The following NCOR2 variants were observed in gnomAD, a reference collection of about 807,000 sequenced individuals.
The protein encoded by NCOR2 is nuclear receptor corepressor 2, also known as CTG repeat protein 26.
In NCOR2, 81 loss-of-function variants were observed where a neutral mutation model predicts 262.9. The ratio of observed to expected loss-of-function variants is 0.31; its 90% CI spans 0.26 to 0.37. The LOEUF is 0.37. Ranked by LOEUF, NCOR2 falls within the 10% of genes least tolerant of loss-of-function variation. NCOR2 has a pLI of 1.00. For missense variants in NCOR2, 3,385 were observed against 3,621.4 expected (o/e 0.93, Z 1.68); for synonymous variants, 1,659 against 1,559.3 (o/e 1.06, Z -1.51).
At chr12:124,480,904 G>A (rs552863095) in intron 3 of NCOR2, among the ~76,000 whole-genome samples, 19 of 150,190 alleles carry the variant, frequency 1.3e-4, no homozygotes, top group African/African-American at 4.4e-4. Context: ...GCCACTGGTG[G>A]GAGATGATGG....
intron 1 of NCOR2, among the ~76,000 whole-genome samples, chr12:124,532,360 CCT>C (rs2050847822): frequency 6.6e-6 from 1 of 152,208 alleles, no homozygotes; most frequent in Non-Finnish European, 1.5e-5. Context: ...CAGCGTCTGT[CCT>C]CTGTCAGGGG....
rs993458887 is a variant in NCOR2 at position 124,504,229 on chromosome 12, C to T, written c.-117-8861G>A. Among the ~76,000 whole-genome samples, 1 of 152,206 alleles carries T rather than the reference C, an allele frequency of 6.6e-6. No individual in the cohort carries two copies. The highest frequency in any genetic ancestry group is 1.5e-5 in the Non-Finnish European group (1 of 68,038). ...CGGGTAGATGTACAGGGTAGAGATACGTGGGCCAGGTTAAAGCCAGAAAGC... is the reference window on the plus strand; with the variant it reads ...CGGGTAGATGTACAGGGTAGAGATATGTGGGCCAGGTTAAAGCCAGAAAGC... On this transcript the variant is annotated intron_variant, in intron 1 of 46. Transcript: ENST00000404621. This position sits in a 1 kb window ranked among gnomAD's most constrained non-coding sequence, Gnocchi z 4.5.
chr12:124,460,185 G>A (rs1426136198), intron 5 of NCOR2, among the ~76,000 whole-genome samples: 2 of 152,232 alleles, frequency 1.3e-5, no homozygotes, highest in East Asian at 3.8e-4. Flanking sequence ...TCCATGAGGA[G>A]CAAGGTGCCT....
In NCOR2 at chr12:124,354,571, C is replaced by T. The variant is rs773974343; in HGVS notation, c.3496G>A (p.Gly1166Arg). Reference sequence around the variant, plus strand: ...GGGGACAGCTGCTCCTGCTTCACTCCGCTGAAGGGTGCTGAGGACCAGTAA... The same window carrying T: ...GGGGACAGCTGCTCCTGCTTCACTCTGCTGAAGGGTGCTGAGGACCAGTAA... The change falls in exon 26 of 47, where the codon GGA becomes AGA. Residue 1166 changes from glycine (G) to arginine (R), a missense_variant. Gly to Arg is a moderately radical substitution (Grantham distance 125). Transcript: ENST00000405201. 61 of 1,588,826 alleles carry T rather than the reference C, an allele frequency of 3.8e-5. No individual in the cohort carries two copies. In the East Asian group the frequency reaches 4.5e-4, roughly 12 times the overall value.
At position 124,378,731 on chromosome 12, in the gene NCOR2, T is replaced by C. The variant is rs2040199912; in HGVS notation, c.2020-347A>G. 6.6e-6 allele frequency among the ~76,000 whole-genome samples: 1 copy of C among 152,178 alleles called. No homozygotes were observed. The highest frequency in any genetic ancestry group is 6.5e-5 in the Admixed American group (1 of 15,284). ...TCCTGGGGACACCCTGTCAGCTTCA[T>C]CGGCACACGTGGAGTGAATGAACAC... On this transcript the variant is annotated intron_variant, in intron 17 of 46. Transcript: ENST00000405201. This position sits in a 1 kb window ranked among gnomAD's most constrained non-coding sequence, Gnocchi z 4.2.
intron 11 of NCOR2, among the ~76,000 whole-genome samples, chr12:124,423,754 C>T (rs2043361247): frequency 6.6e-6 from 1 of 152,202 alleles, no homozygotes; most frequent in South Asian, 2.1e-4. Flanking sequence ...CTCCTAGGTC[C>T]CCTGTTCCCC....
chr12:124,532,111 G>A (rs115578459), intron 1 of NCOR2, among the ~76,000 whole-genome samples: 104 of 152,238 alleles, frequency 6.8e-4, no homozygotes, highest in African/African-American at 2.5e-3. Flanking sequence ...GGATAAGGAC[G>A]GTGCCCACCT....
intron 15 of NCOR2, among the ~76,000 whole-genome samples, chr12:124,399,018 G>A (rs2041848140): frequency 6.6e-6 from 1 of 152,206 alleles, no homozygotes; most frequent in South Asian, 2.1e-4. Flanking sequence ...TGAGTGGGGT[G>A]GGTGCGAGGG....
chr12:124,547,752 G>T (rs2051584143), intron 1 of NCOR2, among the ~76,000 whole-genome samples: 1 of 152,118 alleles, frequency 6.6e-6, no homozygotes, highest in African/African-American at 2.4e-5. Flanking sequence ...CATGAAAGTG[G>T]AATCGTACAC....
At chr12:124,330,853 G>A (rs1433766769) in exon 44 of NCOR2, 2 of 1,578,948 alleles carry the variant, frequency 1.3e-6, no homozygotes, top group East Asian at 2.3e-5. Flanking sequence ...ACCTGTTCCG[G>A]TGATGGCGGG....
intron 8 of NCOR2, among the ~76,000 whole-genome samples, chr12:124,434,662 A>G (rs1013045770): frequency 6.6e-6 from 1 of 152,014 alleles, no homozygotes; most frequent in African/African-American, 2.4e-5. Flanking sequence ...CAAGGGGGGA[A>G]CCATGGGGGG....
intron 28 of NCOR2, among the ~76,000 whole-genome samples, chr12:124,349,144 C>T (rs2037206354): frequency 6.6e-6 from 1 of 152,178 alleles, no homozygotes; most frequent in African/African-American, 2.4e-5. Context: ...GGGGTGGCCT[C>T]GCCAGGCCAA....
In NCOR2 at chr12:124,432,519, G is replaced by A. The variant is rs937846441; in HGVS notation, c.883-1732C>T. 5.9e-5 allele frequency among the ~76,000 whole-genome samples: 9 copies of A among 152,188 alleles called. No individual in the cohort carries two copies. Among genetic ancestry groups the A allele is most frequent in the African/African-American group, 9.7e-5 (4 of 41,442 alleles). On this transcript the variant is annotated intron_variant, in intron 8 of 46. Coordinates refer to ENST00000405201, the Ensembl canonical transcript of NCOR2. This position sits in a 1 kb window ranked among gnomAD's most constrained non-coding sequence, Gnocchi z 5.1. ...TGTCCAGCAGCCACATGCGGCTGGG[G>A]CTCCGGCCGCACCAGACAGCCCGGA...
At chr12:124,325,186 A>T in exon 47 of NCOR2, 1 of 294,134 alleles carries the variant, frequency 3.4e-6, no homozygotes, top group East Asian at 5.5e-5. Context: ...ACATCCCCTG[A>T]GTAAGGTCTG....
chr12:124,522,083 G>A (rs770395322), intron 1 of NCOR2, among the ~76,000 whole-genome samples: 27 of 152,144 alleles, frequency 1.8e-4, no homozygotes, highest in Admixed American at 5.2e-4. Flanking sequence ...CCAGTTTACC[G>A]ACTTCCTGAA....
At chr12:124,451,051 T>C (rs1348508112) in intron 6 of NCOR2, among the ~76,000 whole-genome samples, 1 of 152,262 alleles carries the variant, frequency 6.6e-6, no homozygotes, top group Non-Finnish European at 1.5e-5. Flanking sequence ...CCCATGACCT[T>C]GCTGTGGCCA....
intron 13 of NCOR2, among the ~76,000 whole-genome samples, chr12:124,415,866 C>G (rs1264297959): frequency 1.3e-5 from 2 of 152,050 alleles, no homozygotes; most frequent in Non-Finnish European, 2.9e-5. Context: ...CATCTAATGC[C>G]CTCCTCCCCT....
In NCOR2 at chr12:124,549,204, C is replaced by T. The variant is rs1009975644; in HGVS notation, c.-164-13593G>A. Among the ~76,000 whole-genome samples, 6 of 152,030 alleles carry T rather than the reference C, an allele frequency of 3.9e-5. No individual in the cohort carries two copies. The highest frequency in any genetic ancestry group is 5.9e-5 in the Non-Finnish European group (4 of 68,000). ...GATGGTTGCTGGGTCACGAGATCAC[C>T]GAGAGGATCAGATGAATTCACGTGG... On this transcript the variant is annotated intron_variant, in intron 1 of 32. Transcript: ENST00000458234. This position sits in a 1 kb window ranked among gnomAD's most constrained non-coding sequence, Gnocchi z 4.4.
At chr12:124,502,515 G>A (rs902736354) in intron 1 of NCOR2, among the ~76,000 whole-genome samples, 2 of 152,152 alleles carry the variant, frequency 1.3e-5, no homozygotes, top group African/African-American at 2.4e-5. Flanking sequence ...CAAAGGCGCC[G>A]GGGAGAGGAG....
Sources: allele counts gnomAD v4.1 joint callset (sites outside exome capture counted in the v4.1 genomes callset), GRCh38; gene constraint gnomAD v4.1.1; non-coding constraint Gnocchi (gnomAD v3.1); transcripts MANE v1.5; gene names NCBI Gene and HGNC (gene_info 2026-07-23, HGNC 2026-07-21).